PHKG2: variants seen among roughly 807,000 people sequenced by gnomAD.
PHKG2 encodes the protein phosphorylase kinase catalytic subunit gamma 2.
A neutral mutation model predicts 44.5 loss-of-function variants in PHKG2; 28 were observed. The ratio of observed to expected loss-of-function variants is 0.63; its 90% CI spans 0.47 to 0.86. The LOEUF (loss-of-function observed/expected upper bound fraction) is 0.86, where lower values mean the gene tolerates loss of function less well. Among genes scored for constraint, PHKG2 ranks in the 40% least tolerant of loss-of-function variants. The probability of loss-of-function intolerance (pLI) is 0.00; values close to 1 mark genes in which losing one functional copy is unlikely to be tolerated. For synonymous variants in PHKG2, 220 were observed against 211.2 expected (o/e 1.04, Z -0.36); for missense variants, 498 against 547.5 (o/e 0.91, Z 0.90).
chr16:30,754,793 TTAGGTC>T, intron 6 of PHKG2: 1 of 448,960 alleles, frequency 2.2e-6, no homozygotes, highest in South Asian at 1.6e-5. Flanking sequence ...CCAGGGCAGC[TTAGGTC>T]CCCTTGCTTT....
chr16:30,749,795 A>G (rs191113235), intron 2 of PHKG2, among the ~76,000 whole-genome samples: 5 of 152,306 alleles, frequency 3.3e-5, no homozygotes, highest in African/African-American at 1.2e-4. Context: ...AAAGATGCGT[A>G]TGCCCTGGAG....
chr16:30,757,533 A>G lies in PHKG2; in HGVS notation c.*436A>G. On this transcript the variant is annotated 3_prime_UTR_variant, in exon 10 of 10. Transcript: ENST00000563588. ...GTAGCTGGAAGGGCCGCTCTAGTGCAGTCAACTTGCTGCTGAGCCTTTCCT... is the reference window on the plus strand; with the variant it reads ...GTAGCTGGAAGGGCCGCTCTAGTGCGGTCAACTTGCTGCTGAGCCTTTCCT... 1 of 1,614,246 alleles carries G rather than the reference A, an allele frequency of 6.2e-7. No homozygotes were observed. The highest frequency in any genetic ancestry group is 1.1e-5 in the South Asian group (1 of 91,086).
chr16:30,758,992 T>C lies in PHKG2; in HGVS notation c.*1895T>C. On this transcript the variant is annotated 3_prime_UTR_variant, in exon 10 of 10. Transcript: ENST00000563588. ...ACCTGCTCAGAGGGACAGGGCAGCC[T>C]GCCCTCTCCAGATCCTCACTTGGCT... 1 of 1,614,068 alleles carries C rather than the reference T, an allele frequency of 6.2e-7. No homozygotes were observed. The highest frequency in any genetic ancestry group is 8.5e-7 in the Non-Finnish European group (1 of 1,179,978).
At chr16:30,752,860 T>C (rs1173786060) in intron 4 of PHKG2, 1 of 334,490 alleles carries the variant, frequency 3.0e-6, no homozygotes, top group African/African-American at 2.1e-5. Context: ...AGACGAAACT[T>C]CAAAATAAGG....
intron 4 of PHKG2, among the ~76,000 whole-genome samples, chr16:30,752,076 G>C (rs1004713029): frequency 2.7e-5 from 4 of 148,810 alleles, no homozygotes; most frequent in Non-Finnish European, 5.9e-5. Flanking sequence ...GTGGGCGACA[G>C]AGTGAGACTC....
intron 1 of PHKG2, 125 bp from the exon 2 acceptor site, chr16:30,748,678 A>ACCCCC: frequency 6.1e-6 from 1 of 164,006 alleles, no homozygotes; most frequent in Non-Finnish European, 1.3e-5. Flanking sequence ...TCCTTCCCCC[A>ACCCCC]CCCCCCCCCA....
At chr16:30,751,303 C>T (rs2053340282) in intron 3 of PHKG2, 22 bp downstream of exon 3, 2 of 1,606,970 alleles carry the variant, frequency 1.2e-6, no homozygotes, top group South Asian at 2.2e-5. Flanking sequence ...TTCCTTGCTC[C>T]TGTTAGCAGA....
Position 30,759,066 on chromosome 16 carries a change from C to T in PHKG2, c.*1969C>T. ...TCTAGTTCCTCTTTCTGCGGGGTAA[C>T]TGCCTGCTCCTCCATCTCCTTGCTT... On this transcript the variant is annotated 3_prime_UTR_variant, in exon 10 of 10. Coordinates refer to ENST00000563588, the MANE Select transcript of PHKG2 (RefSeq NM_000294.3). The T allele has an allele frequency of 6.2e-7, 1 of 1,614,222 alleles. No homozygotes were observed. The highest frequency in any genetic ancestry group is 1.1e-5 in the South Asian group (1 of 91,092).
At chr16:30,755,971 C>G (rs1299549235) in intron 6 of PHKG2, among the ~76,000 whole-genome samples, 1 of 151,988 alleles carries the variant, frequency 6.6e-6, no homozygotes, top group Non-Finnish European at 1.5e-5. Flanking sequence ...ATCCAAAACC[C>G]AGGTTTTCCT....
Position 30,760,464 on chromosome 16 carries a change from A to G in PHKG2, c.*3367A>G. 10 of 1,613,628 alleles carry G rather than the reference A, an allele frequency of 6.2e-6. No individual in the cohort carries two copies. The South Asian group carries it at 9.9e-5, about 16-fold the overall frequency. On this transcript the variant is annotated 3_prime_UTR_variant, in exon 10 of 10. Coordinates refer to ENST00000563588, the MANE Select transcript of PHKG2 (RefSeq NM_000294.3). ...AGCTCAGCCAGCACCCTTGGGAGGG[A>G]GAGAGGAGTGAGTGACAACTGGGCC...
Position 30,753,225 on chromosome 16 carries a change from C to T in PHKG2, c.327-7C>T. The T allele has an allele frequency of 6.2e-7, 1 of 1,612,536 alleles. No homozygotes were observed. Among genetic ancestry groups the T allele is most frequent in the Non-Finnish European group, 8.5e-7 (1 of 1,178,588 alleles). On this transcript the variant is annotated splice_region_variant and splice_polypyrimidine_tract_variant and intron_variant, in intron 4 of 9. Transcript: ENST00000563588. ...GCAGCTGCCTCCTATGCCCCTCCTTCCCTTAGGATGCGGAAGGGAGAGCTG... is the reference window on the plus strand; with the variant it reads ...GCAGCTGCCTCCTATGCCCCTCCTTTCCTTAGGATGCGGAAGGGAGAGCTG...
At chr16:30,751,834 C>T (rs2053349748) in intron 4 of PHKG2, 3 of 550,628 alleles carry the variant, frequency 5.4e-6, no homozygotes, top group Admixed American at 2.7e-5. Flanking sequence ...TGGCTCACGC[C>T]TGTAATCCCA....
chr16:30,750,023 A>G (rs1033894717), intron 2 of PHKG2, among the ~76,000 whole-genome samples: 2 of 152,094 alleles, frequency 1.3e-5, no homozygotes, highest in African/African-American at 4.8e-5. Context: ...TCCAGCTTTC[A>G]TCAGATTCTC....
At position 30,757,658 on chromosome 16, in the gene PHKG2, C is replaced by T. The variant is rs1317089893; in HGVS notation, c.*561C>T. The T allele has an allele frequency of 1.2e-6, 2 of 1,608,140 alleles. No homozygotes were observed. Among genetic ancestry groups the T allele is most frequent in the South Asian group, 1.1e-5 (1 of 90,552 alleles). Reference sequence around the variant, plus strand: ...GCTCGGAGGACGTGGATGTGGCCTGCAGGGGCAGGGAAGAAGGGGCAGGGT... The same window carrying T: ...GCTCGGAGGACGTGGATGTGGCCTGTAGGGGCAGGGAAGAAGGGGCAGGGT... On this transcript the variant is annotated 3_prime_UTR_variant, in exon 10 of 10. Coordinates refer to ENST00000563588, the MANE Select transcript of PHKG2 (RefSeq NM_000294.3).
At chr16:30,756,099 TGAG>T (rs1242331805) in intron 6 of PHKG2, 80 bp from the exon 7 acceptor site, 10 of 1,031,076 alleles carry the variant, frequency 9.7e-6, no homozygotes, top group Non-Finnish European at 1.5e-5. Flanking sequence ...CTGGCAGCGT[TGAG>T]GAGGCTCCAG....
In PHKG2 at chr16:30,759,682, G is replaced by A. The variant is rs886051920; in HGVS notation, c.*2585G>A. The A allele has an allele frequency of 1.5e-5, 24 of 1,613,816 alleles. No homozygotes were observed. The highest frequency in any genetic ancestry group is 1.9e-5 in the Non-Finnish European group (23 of 1,179,982). Reference sequence around the variant, plus strand: ...GACTCCATGGCAAAAAAGGACACTGGTGAAGTAGCGGTAGCACTCCTCCAC... The same window carrying A: ...GACTCCATGGCAAAAAAGGACACTGATGAAGTAGCGGTAGCACTCCTCCAC... On this transcript the variant is annotated 3_prime_UTR_variant, in exon 10 of 10. Coordinates refer to ENST00000563588, the MANE Select transcript of PHKG2 (RefSeq NM_000294.3).
intron 6 of PHKG2, among the ~76,000 whole-genome samples, chr16:30,755,549 G>A (rs1349185201): frequency 6.6e-6 from 1 of 151,564 alleles, no homozygotes; most frequent in African/African-American, 2.4e-5. Context: ...GGTGGCACGT[G>A]CCTGTAATCC....
At chr16:30,751,421 C>A in intron 3 of PHKG2, 128 bp from the exon 4 acceptor site, 1 of 1,277,426 alleles carries the variant, frequency 7.8e-7, no homozygotes, top group Non-Finnish European at 1.1e-6. Flanking sequence ...GTTGGGCGCC[C>A]ACTGCCTCCT....
Position 30,753,380 on chromosome 16 carries a change from TC to T in PHKG2, c.393-10del. 1 of 1,614,062 alleles carries T rather than the reference TC, an allele frequency of 6.2e-7. No individual in the cohort carries two copies. Among genetic ancestry groups the T allele is most frequent in the Non-Finnish European group, 8.5e-7 (1 of 1,179,988 alleles). On this transcript the variant is annotated splice_polypyrimidine_tract_variant and intron_variant, in intron 5 of 9. Coordinates refer to ENST00000563588, the MANE Select transcript of PHKG2 (RefSeq NM_000294.3). ...AGCCGAGGAGGAGACTGCACCCGCCTCCCCTTCCCCCAGGTCCATCATGCGG... is the reference window on the plus strand; with the variant it reads ...AGCCGAGGAGGAGACTGCACCCGCCTCCCTTCCCCCAGGTCCATCATGCGG...
Sources: allele counts gnomAD v4.1 joint callset (sites outside exome capture counted in the v4.1 genomes callset), GRCh38; gene constraint gnomAD v4.1.1; transcripts MANE v1.5; gene names NCBI Gene and HGNC (gene_info 2026-07-23, HGNC 2026-07-21).